Variants in NPSR1 observed in about 807,000 individuals in gnomAD.
NPSR1 encodes neuropeptide S receptor 1.
NPSR1 carries 48 observed loss-of-function variants against 46.9 expected under a neutral mutation model. The observed-to-expected ratio is 1.02, with a 90% CI of 0.81 to 1.30. NPSR1 has a LOEUF of 1.30. Ranked by LOEUF, NPSR1 falls within the 50% of genes most tolerant of loss-of-function variation. NPSR1 has a pLI of 0.00. For synonymous variants in NPSR1, 176 were observed against 168.1 expected (o/e 1.05, Z -0.36); for missense variants, 450 against 449.5 (o/e 1.00, Z -0.01).
At chr7:34,810,305 T>C (rs1429589488) in intron 3 of NPSR1, among the ~76,000 whole-genome samples, 2 of 152,230 alleles carry the variant, frequency 1.3e-5, no homozygotes, top group East Asian at 3.8e-4. Flanking sequence ...CTGAAAAATG[T>C]CCACCTTGAT....
intron 2 of NPSR1, among the ~76,000 whole-genome samples, chr7:34,710,471 T>C (rs373784357): frequency 2.1e-4 from 32 of 152,328 alleles, no homozygotes; most frequent in South Asian, 1.2e-3. Context: ...AGAAGGTAAA[T>C]TGTATTCTAA....
At chr7:34,660,735 A>G (rs541266267) in intron 1 of NPSR1, among the ~76,000 whole-genome samples, 121 of 152,260 alleles carry the variant, frequency 7.9e-4, no homozygotes, top group African/African-American at 2.7e-3. Flanking sequence ...AATTCTCACA[A>G]TCCATGGTGT....
intron 7 of NPSR1, among the ~76,000 whole-genome samples, chr7:34,847,090 T>G (rs912870976): frequency 2.6e-5 from 4 of 152,146 alleles, no homozygotes; most frequent in African/African-American, 9.7e-5. Flanking sequence ...TTAGTGGGTT[T>G]TGTGTTTGAA....
At chr7:34,684,367 G>T (rs1731435982) in intron 1 of NPSR1, among the ~76,000 whole-genome samples, 185 bp from the exon 2 acceptor site, 1 of 152,106 alleles carries the variant, frequency 6.6e-6, no homozygotes, top group African/African-American at 2.4e-5. Flanking sequence ...ATTTTTAAAA[G>T]GTGCATTAAT....
intron 3 of NPSR1, among the ~76,000 whole-genome samples, chr7:34,790,341 T>A (rs1324458119): frequency 2.0e-5 from 3 of 151,966 alleles, no homozygotes; most frequent in Non-Finnish European, 4.4e-5. Context: ...GTAAAAATGC[T>A]CAACAAATTA....
intron 3 of NPSR1, among the ~76,000 whole-genome samples, chr7:34,790,880 A>G (rs987474802): frequency 0.013 from 1,735 of 128,538 alleles, 157 homozygotes; most frequent in African/African-American, 0.053. Flanking sequence ...TATATGTTAT[A>G]TTATATATCA....
At chr7:34,802,404 T>TAA (rs1356743235) in intron 3 of NPSR1, among the ~76,000 whole-genome samples, 2 of 149,760 alleles carry the variant, frequency 1.3e-5, no homozygotes, top group Admixed American at 6.6e-5. Flanking sequence ...CCCTCAGAAA[T>TAA]AACGCCGCAT....
intron 3 of NPSR1, among the ~76,000 whole-genome samples, chr7:34,808,918 A>G (rs1788842744): frequency 6.6e-6 from 1 of 152,196 alleles, no homozygotes; most frequent in Non-Finnish European, 1.5e-5. Context: ...AATCTCTGAA[A>G]TTAAATACTC....
intron 4 of NPSR1, among the ~76,000 whole-genome samples, chr7:34,826,800 T>C (rs1789867994): frequency 1.3e-5 from 2 of 151,742 alleles, no homozygotes; most frequent in Non-Finnish European, 2.9e-5. Flanking sequence ...AGCTACCAGG[T>C]TTCTGGGCTG....
At chr7:34,866,555 G>A (rs983700836) in intron 8 of NPSR1, among the ~76,000 whole-genome samples, 4 of 151,576 alleles carry the variant, frequency 2.6e-5, no homozygotes, top group Non-Finnish European at 5.9e-5. Flanking sequence ...GGTGGTCAAG[G>A]TCACTATGTC....
intron 2 of NPSR1, among the ~76,000 whole-genome samples, chr7:34,731,955 C>T (rs936971416): frequency 8.6e-5 from 13 of 151,878 alleles, no homozygotes; most frequent in Non-Finnish European, 1.9e-4. Context: ...CCAAGGCGGG[C>T]AGATCACCTA....
At position 34,849,750 on chromosome 7, in the gene NPSR1, C is replaced by T; in HGVS notation, c.*95C>T. On this transcript the variant is annotated 3_prime_UTR_variant, in exon 9 of 9. Transcript: ENST00000360581. ...ACGTGCATGGAACCCGAGCCAACTT[C>T]ACCCCACCCTCGTCATTACCTGGGA... The T allele has an allele frequency of 6.4e-7, 1 of 1,572,414 alleles. No individual in the cohort carries two copies. Among genetic ancestry groups the T allele is most frequent in the East Asian group, 2.3e-5 (1 of 44,412 alleles).
chr7:34,786,936 G>T (rs1209811552), intron 3 of NPSR1, among the ~76,000 whole-genome samples: 2 of 152,042 alleles, frequency 1.3e-5, no homozygotes, highest in African/African-American at 2.4e-5. Context: ...ATTGTTAAGG[G>T]CCCTAGGATC....
intron 1 of NPSR1, among the ~76,000 whole-genome samples, chr7:34,681,160 C>T (rs1249961794): frequency 6.6e-6 from 1 of 152,122 alleles, no homozygotes. Context: ...TTCTGCCCTG[C>T]CTCCATCCCC....
chr7:34,748,712 G>A (rs1218540846), intron 2 of NPSR1, among the ~76,000 whole-genome samples: 1 of 152,144 alleles, frequency 6.6e-6, no homozygotes. Flanking sequence ...CTTTCAGTTT[G>A]TGTGCGTGAG....
chr7:34,796,442 T>C lies in NPSR1; in HGVS notation c.385-15328T>C, dbSNP rs1487819644. ...TGCAAAAGGCATACCTGATAAAAGA[T>C]TGTTATTCAAAATATGCAGAAGAGC... On this transcript the variant is annotated intron_variant, in intron 3 of 8. Coordinates refer to ENST00000360581, the MANE Select transcript of NPSR1 (RefSeq NM_207172.2). Among the ~76,000 whole-genome samples the C allele has an allele frequency of 4.6e-5, 7 of 152,092 alleles. No homozygotes were observed. The South Asian group carries it at 1.0e-3, about 23-fold the overall frequency.
chr7:34,766,789 G>A (rs903814873), intron 2 of NPSR1, among the ~76,000 whole-genome samples: 1 of 152,064 alleles, frequency 6.6e-6, no homozygotes, highest in Admixed American at 6.5e-5. Context: ...TAGCCAGGAT[G>A]GTCTCGATCT....
chr7:34,715,379 G>A (rs146572643), intron 2 of NPSR1, among the ~76,000 whole-genome samples: 39 of 152,274 alleles, frequency 2.6e-4, no homozygotes, highest in African/African-American at 7.9e-4. Flanking sequence ...TAGCCCAAGC[G>A]GCAAAACATT....
chr7:34,763,479 C>T (rs1455485256), intron 2 of NPSR1, among the ~76,000 whole-genome samples: 1 of 151,896 alleles, frequency 6.6e-6, no homozygotes, highest in Admixed American at 6.6e-5. Flanking sequence ...ATAATAATCT[C>T]TGTTATCCCA....
Sources: gnomAD v4.1 joint callset for allele counts (sites outside exome capture counted in the v4.1 genomes callset) on GRCh38, gnomAD v4.1.1 for gene constraint, MANE v1.5 for transcripts, NCBI Gene and HGNC (gene_info 2026-07-23, HGNC 2026-07-21) for gene names.